TMEM132C: variants seen among roughly 807,000 people sequenced by gnomAD.
TMEM132C encodes the protein protein phosphatase 1, regulatory subunit 152.
In TMEM132C, 29 loss-of-function variants were observed where a neutral mutation model predicts 61.4. That is an observed-to-expected ratio of 0.47 (90% confidence interval 0.35 to 0.64). The LOEUF is 0.64. Among genes scored for constraint, TMEM132C ranks in the 30% least tolerant of loss-of-function variants. The pLI, the probability that TMEM132C is intolerant of heterozygous loss-of-function variation, is 0.00. For synonymous variants in TMEM132C, 656 were observed against 633.1 expected (o/e 1.04, Z -0.54); for missense variants, 1,408 against 1,476.9 (o/e 0.95, Z 0.76).
At chr12:128,614,541 G>T (rs1449786942) in intron 3 of TMEM132C, among the ~76,000 whole-genome samples, 1 of 152,108 alleles carries the variant, frequency 6.6e-6, no homozygotes, top group African/African-American at 2.4e-5. Context: ...AAAGAGCATT[G>T]GACTCGGAAA....
At chr12:128,354,090 G>A (rs1478760706) in intron 1 of TMEM132C, among the ~76,000 whole-genome samples, 1 of 152,146 alleles carries the variant, frequency 6.6e-6, no homozygotes, top group East Asian at 1.9e-4. Flanking sequence ...AGGTTACCCA[G>A]TTGGAATCAC....
chr12:128,460,462 T>C (rs549877776), intron 2 of TMEM132C, among the ~76,000 whole-genome samples: 1 of 152,304 alleles, frequency 6.6e-6, no homozygotes, highest in Admixed American at 6.5e-5. Context: ...CTTCTATTAG[T>C]CCATGCAGCT....
At chr12:128,494,354 T>G (rs1871861787) in intron 2 of TMEM132C, among the ~76,000 whole-genome samples, 2 of 152,222 alleles carry the variant, frequency 1.3e-5, no homozygotes, top group African/African-American at 2.4e-5. Flanking sequence ...AGGATGATGC[T>G]GGCCTCAAAA....
chr12:128,576,684 G>A (rs778515146), intron 3 of TMEM132C, among the ~76,000 whole-genome samples: 12 of 152,342 alleles, frequency 7.9e-5, no homozygotes, highest in Non-Finnish European at 1.3e-4. Context: ...TGTGAAAATT[G>A]AGACAGGTTA....
intron 1 of TMEM132C, among the ~76,000 whole-genome samples, chr12:128,369,548 T>A (rs542436802): frequency 6.6e-6 from 1 of 152,236 alleles, no homozygotes; most frequent in Non-Finnish European, 1.5e-5. Flanking sequence ...GCTGTTTAAC[T>A]GGGTACAGCA....
At chr12:128,387,181 G>A (rs944922856) in intron 1 of TMEM132C, among the ~76,000 whole-genome samples, 10 of 151,012 alleles carry the variant, frequency 6.6e-5, no homozygotes, top group Non-Finnish European at 1.2e-4. Context: ...AACTGGGAAT[G>A]GGAATGCAGT....
At chr12:128,434,025 G>A (rs991314010) in intron 2 of TMEM132C, among the ~76,000 whole-genome samples, 12 of 152,226 alleles carry the variant, frequency 7.9e-5, no homozygotes, top group African/African-American at 1.4e-4. Flanking sequence ...ATAGCAACAC[G>A]GGCAGCAAGC....
chr12:128,586,937 CA>C (rs1306466519), intron 3 of TMEM132C, among the ~76,000 whole-genome samples: 1 of 152,200 alleles, frequency 6.6e-6, no homozygotes, highest in Non-Finnish European at 1.5e-5. Context: ...TGGGAAAAAA[CA>C]GAGCCAAGGA....
Position 128,705,621 on chromosome 12 carries a change from C to G in TMEM132C, c.2653C>G (p.Leu885Val). The part of the protein sequence containing the change: ...DGGRLAGEGQ[L>V]QNIPIDFTNF... ...GGGCAGGCTGGCAGGAGAGGGGCAG[C>G]TGCAGAACATCCCCATTGACTTCAC... Residue 885 changes from leucine to valine, a missense_variant, in exon 9 of 9, where the codon CTG becomes GTG. Leu to Val is a conservative substitution (Grantham distance 32). Coordinates refer to ENST00000435159, the MANE Select transcript of TMEM132C (RefSeq NM_001136103.3). 6.4e-7 allele frequency: 1 copy of G among 1,550,948 alleles called. No individual in the cohort carries two copies. The highest frequency in any genetic ancestry group is 8.7e-7 in the Non-Finnish European group (1 of 1,146,984).
intron 3 of TMEM132C, among the ~76,000 whole-genome samples, chr12:128,580,764 G>C (rs188619720): frequency 3.3e-5 from 5 of 152,244 alleles, no homozygotes; most frequent in Non-Finnish European, 7.4e-5. Flanking sequence ...CTGCCCGCTC[G>C]CGCCAGCTTG....
chr12:128,475,898 C>G (rs974021559), intron 2 of TMEM132C, among the ~76,000 whole-genome samples: 20 of 152,080 alleles, frequency 1.3e-4, no homozygotes, highest in African/African-American at 4.8e-4. Flanking sequence ...AGCAAGTGAC[C>G]GGGTTGGGAT....
intron 1 of TMEM132C, among the ~76,000 whole-genome samples, chr12:128,315,745 C>T (rs1357998313): frequency 6.6e-6 from 1 of 151,758 alleles, no homozygotes; most frequent in Non-Finnish European, 1.5e-5. Context: ...GTAGGTGGGC[C>T]CCTAATCCAG....
intron 4 of TMEM132C, among the ~76,000 whole-genome samples, chr12:128,664,642 G>A (rs2135624402): frequency 6.6e-6 from 1 of 152,332 alleles, no homozygotes; most frequent in African/African-American, 2.4e-5. Context: ...TCAGGAAGCA[G>A]GCTGCCTTCT....
intron 1 of TMEM132C, among the ~76,000 whole-genome samples, chr12:128,284,430 T>G (rs746462148): frequency 1.3e-5 from 2 of 152,222 alleles, no homozygotes; most frequent in African/African-American, 2.4e-5. Flanking sequence ...AAGCAAATGA[T>G]TGGCAGAGTC....
At chr12:128,704,680 T>G (rs1297263648) in intron 8 of TMEM132C, among the ~76,000 whole-genome samples, 1 of 152,176 alleles carries the variant, frequency 6.6e-6, no homozygotes, top group African/African-American at 2.4e-5. Context: ...CTGTATCCAT[T>G]CATCATACTT....
intron 1 of TMEM132C, among the ~76,000 whole-genome samples, chr12:128,319,259 A>T (rs922456718): frequency 6.6e-6 from 1 of 152,208 alleles, no homozygotes; most frequent in Non-Finnish European, 1.5e-5. Flanking sequence ...TTATCAGTTA[A>T]CAAGAACACA....
intron 2 of TMEM132C, among the ~76,000 whole-genome samples, chr12:128,521,313 ATATATATG>A (rs1346707370): frequency 1.5e-5 from 1 of 68,572 alleles, no homozygotes; most frequent in African/African-American, 4.9e-5. Context: ...ATGTGTATAT[ATATATATG>A]TGTGTGTGTG....
chr12:128,701,896 CTTCTT>C (rs1029478276), intron 8 of TMEM132C, among the ~76,000 whole-genome samples: 4 of 44,620 alleles, frequency 9.0e-5, no homozygotes, highest in African/African-American at 2.4e-4. Flanking sequence ...TTCGCTTCTT[CTTCTT>C]TTTTTTTTTT....
intron 2 of TMEM132C, among the ~76,000 whole-genome samples, chr12:128,450,126 C>T (rs1411617843): frequency 6.6e-6 from 1 of 152,206 alleles, no homozygotes; most frequent in Non-Finnish European, 1.5e-5. Context: ...TATATCAGTG[C>T]TGCCTGGTAT....
Sources: gnomAD v4.1 joint callset for allele counts (sites outside exome capture counted in the v4.1 genomes callset) on GRCh38, gnomAD v4.1.1 for gene constraint, MANE v1.5 for transcripts, NCBI Gene and HGNC (gene_info 2026-07-23, HGNC 2026-07-21) for gene names.